Variants in SOX5 observed in about 807,000 individuals in gnomAD.
SOX5 encodes transcription factor SOX-5.
In SOX5, 9 loss-of-function variants were observed where a neutral mutation model predicts 92.0. That is an observed-to-expected ratio of 0.10 (90% CI 0.06 to 0.17). The LOEUF is 0.17. SOX5 is among the 10% of genes least tolerant of loss of function. The pLI is 1.00. For synonymous variants in SOX5, 344 were observed against 336.3 expected (o/e 1.02, Z -0.25); for missense variants, 642 against 944.5 (o/e 0.68, Z 4.20).
intron 4 of SOX5, among the ~76,000 whole-genome samples, chr12:24,116,385 T>A (rs978757795): frequency 3.9e-5 from 6 of 152,114 alleles, no homozygotes; most frequent in African/African-American, 1.4e-4. Flanking sequence ...ATAATCTTAT[T>A]AATGCATTAA....
At chr12:24,135,781 C>CA (rs762071975) in intron 4 of SOX5, among the ~76,000 whole-genome samples, 5 of 151,902 alleles carry the variant, frequency 3.3e-5, no homozygotes, top group Non-Finnish European at 7.4e-5. Flanking sequence ...GGCCTGGGGG[C>CA]AGGCAGTCCA....
intron 3 of SOX5, among the ~76,000 whole-genome samples, chr12:23,772,458 A>T (rs1022715965): frequency 4.6e-5 from 7 of 152,252 alleles, no homozygotes; most frequent in African/African-American, 1.4e-4. Context: ...CATCTTCTGT[A>T]AATATTTGAA....
chr12:24,299,192 C>T (rs1231124587), intron 2 of SOX5, among the ~76,000 whole-genome samples: 3 of 152,076 alleles, frequency 2.0e-5, no homozygotes, highest in Non-Finnish European at 2.9e-5. Flanking sequence ...AAGTTATCTC[C>T]AAGACTGACC....
chr12:24,202,382 C>CA (rs1254510858), intron 4 of SOX5, among the ~76,000 whole-genome samples: 3 of 152,034 alleles, frequency 2.0e-5, no homozygotes, highest in African/African-American at 7.2e-5. Flanking sequence ...TTAAAAAATG[C>CA]AAAAATAGTA....
chr12:24,553,507 T>C (rs936981185), intron 1 of SOX5, among the ~76,000 whole-genome samples: 1 of 152,164 alleles, frequency 6.6e-6, no homozygotes, highest in African/African-American at 2.4e-5. Context: ...TCAGCAATCA[T>C]GTATGTGGTT....
chr12:24,338,614 G>A lies in SOX5; in HGVS notation c.-174+29949C>T, dbSNP rs543531249. On this transcript the variant is annotated intron_variant, in intron 2 of 4. Transcript: ENST00000446891. ...TGTGATATGGTTTGGCTATGTCCCC[G>A]CCCAAGCCTTACATTGAACTGTAGC... Among the ~76,000 whole-genome samples, 93 of 152,192 alleles carry A rather than the reference G, an allele frequency of 6.1e-4. No homozygotes were observed. The South Asian group carries it at 0.016, about 26-fold the overall frequency.
chr12:24,014,068 G>A (rs145764795), intron 4 of SOX5, among the ~76,000 whole-genome samples: 420 of 152,276 alleles, frequency 2.8e-3, no homozygotes, highest in Non-Finnish European at 4.7e-3. Context: ...AGAACCCTTC[G>A]TGACTTGTAG....
At chr12:24,267,832 T>C (rs1314181125) in intron 3 of SOX5, among the ~76,000 whole-genome samples, 1 of 152,202 alleles carries the variant, frequency 6.6e-6, no homozygotes, top group African/African-American at 2.4e-5. Context: ...ATTGTTATTA[T>C]ATTCTTAAGG....
chr12:23,676,130 A>G (rs2085642761), intron 6 of SOX5, among the ~76,000 whole-genome samples: 1 of 152,114 alleles, frequency 6.6e-6, no homozygotes, highest in Admixed American at 6.6e-5. Flanking sequence ...TATAGGATGA[A>G]CAAATCTAGA....
intron 7 of SOX5, among the ~76,000 whole-genome samples, chr12:23,663,247 T>A (rs549346322): frequency 2.0e-5 from 3 of 152,328 alleles, no homozygotes; most frequent in African/African-American, 7.2e-5. Context: ...AAAGGCTTTT[T>A]TTCTGTTTTA....
chr12:23,770,477 G>T (rs530185955), intron 3 of SOX5, among the ~76,000 whole-genome samples: 95 of 152,218 alleles, frequency 6.2e-4, no homozygotes, highest in African/African-American at 2.0e-3. Context: ...GGTGTGTAAG[G>T]TGGAATCAAG....
chr12:24,044,391 C>G (rs1956807380), intron 4 of SOX5, among the ~76,000 whole-genome samples: 1 of 152,176 alleles, frequency 6.6e-6, no homozygotes, highest in Non-Finnish European at 1.5e-5. Context: ...GCTGCCTTTT[C>G]TAGTCCGGGA....
At position 24,093,250 on chromosome 12, in the gene SOX5, G is replaced by A. The variant is rs181703375; in HGVS notation, c.-2+120093C>T. Among the ~76,000 whole-genome samples, 1,015 of 152,178 alleles carry A rather than the reference G, an allele frequency of 6.7e-3. 15 individuals are homozygous for A. The highest frequency in any genetic ancestry group is 0.023 in the African/African-American group (973 of 41,522). On this transcript the variant is annotated intron_variant, in intron 4 of 4. Transcript: ENST00000446891. ...AAAAACCTTCAAAGCGGCTGGGCGCGGTGGCTCACACCTGTAATCCCAGCA... is the reference window on the plus strand; with the variant it reads ...AAAAACCTTCAAAGCGGCTGGGCGCAGTGGCTCACACCTGTAATCCCAGCA...
chr12:23,645,768 C>G (rs1458386899), intron 7 of SOX5, among the ~76,000 whole-genome samples: 1 of 151,846 alleles, frequency 6.6e-6, no homozygotes, highest in Non-Finnish European at 1.5e-5. Flanking sequence ...TTTGGATATG[C>G]ATATATATGT....
chr12:23,848,906 T>G (rs2096602115), intron 2 of SOX5, among the ~76,000 whole-genome samples: 1 of 152,202 alleles, frequency 6.6e-6, no homozygotes, highest in African/African-American at 2.4e-5. Flanking sequence ...CTTTGTTATT[T>G]TTGAACAAGT....
At chr12:23,673,134 AAC>A (rs1203746576) in intron 6 of SOX5, among the ~76,000 whole-genome samples, 1 of 152,192 alleles carries the variant, frequency 6.6e-6, no homozygotes, top group African/African-American at 2.4e-5. Context: ...ATATGGGAGA[AAC>A]ACAGCTATTT....
At chr12:24,253,167 T>C (rs1940485097) in intron 3 of SOX5, among the ~76,000 whole-genome samples, 1 of 152,084 alleles carries the variant, frequency 6.6e-6, no homozygotes, top group South Asian at 2.1e-4. Flanking sequence ...GCAAGCGTAT[T>C]CCTGCCAAGC....
In SOX5 at chr12:24,355,282, C is replaced by CAATTTTTTTTTT. The variant is rs1221012836; in HGVS notation, c.-174+13280_-174+13281insAAAAAAAAAATT. On this transcript the variant is annotated intron_variant, in intron 2 of 4. Transcript: ENST00000446891. ...TTAGCAGGTGTGGTGAGGGGTGCAT[C>CAATTTTTTTTTT]TTTTTTTTTTTTTTTTTTTTTTTTT... Among the ~76,000 whole-genome samples, 9 of 71,930 alleles carry CAATTTTTTTTTT rather than the reference C, an allele frequency of 1.3e-4. 1 individual carries two copies. Among genetic ancestry groups the CAATTTTTTTTTT allele is most frequent in the Non-Finnish European group, 1.8e-4 (8 of 43,378 alleles). The allele number at this position is 71,930 out of a possible 152,430, so 47.2% of individuals were successfully genotyped here. A position where few individuals can be genotyped will look rare whatever the true frequency, so the allele number is the denominator to read the frequency against.
chr12:24,066,340 T>C (rs1360831139), intron 4 of SOX5, among the ~76,000 whole-genome samples: 1 of 152,156 alleles, frequency 6.6e-6, no homozygotes, highest in African/African-American at 2.4e-5. Flanking sequence ...TTTAAGATAG[T>C]ATGAAATGAA....
Sources: gnomAD v4.1 joint callset for allele counts (sites outside exome capture counted in the v4.1 genomes callset) on GRCh38, gnomAD v4.1.1 for gene constraint, MANE v1.5 for transcripts, NCBI Gene and HGNC (gene_info 2026-07-23, HGNC 2026-07-21) for gene names.